The following B3GLCT variants were observed in gnomAD, a reference collection of about 807,000 sequenced individuals.
The protein encoded by B3GLCT is beta 3-glucosyltransferase, also known as beta-1,3-glucosyltransferase.
Under a neutral mutation model 63.4 loss-of-function variants are expected in B3GLCT, and 65 were observed. That is an observed-to-expected ratio of 1.03 (90% CI 0.84 to 1.26). The LOEUF is 1.26. Ranked by LOEUF, B3GLCT falls within the 50% of genes most tolerant of loss-of-function variation. The pLI is 0.00. For synonymous variants in B3GLCT, 233 were observed against 219.2 expected (o/e 1.06, Z -0.55); for missense variants, 577 against 604.8 (o/e 0.95, Z 0.48).
intron 4 of B3GLCT, among the ~76,000 whole-genome samples, chr13:31,241,464 C>T (rs1056473219): frequency 6.6e-6 from 1 of 152,200 alleles, no homozygotes; most frequent in African/African-American, 2.4e-5. Context: ...GTGTGATGCC[C>T]AGCAGGGATG....
In B3GLCT at chr13:31,329,972, A is replaced by G; in HGVS notation, c.*304A>G. On this transcript the variant is annotated 3_prime_UTR_variant, in exon 15 of 15. Coordinates refer to ENST00000343307, the MANE Select transcript of B3GLCT (RefSeq NM_194318.4). ...TTTTTTTTATTGTCACAGGGAAATA[A>G]ATGGTACCAGAAGTCCCTTTCCTGT... The G allele has an allele frequency of 2.6e-6, 1 of 385,354 alleles. No individual in the cohort carries two copies. The highest frequency in any genetic ancestry group is 2.4e-5 in the South Asian group (1 of 42,430). The allele number at this position is 385,354 out of a possible 1,614,324, so 23.9% of individuals were successfully genotyped here. A position where few individuals can be genotyped will look rare whatever the true frequency, so the allele number is the denominator to read the frequency against.
chr13:31,259,401 G>C (rs149098411), intron 6 of B3GLCT, among the ~76,000 whole-genome samples: 1 of 151,950 alleles, frequency 6.6e-6, no homozygotes. Context: ...GTTTGGGTAC[G>C]TCTATTCATA....
At chr13:31,295,374 C>T (rs556926505) in intron 12 of B3GLCT, among the ~76,000 whole-genome samples, 20 of 152,240 alleles carry the variant, frequency 1.3e-4, no homozygotes, top group Admixed American at 6.5e-4. Context: ...TCTTCAGAGC[C>T]GGCAGGCATG....
At chr13:31,297,980 T>A (rs562179128) in intron 12 of B3GLCT, among the ~76,000 whole-genome samples, 1 of 152,260 alleles carries the variant, frequency 6.6e-6, no homozygotes, top group South Asian at 2.1e-4. Context: ...TGAAGCCTGC[T>A]CTCTTGGGGT....
At chr13:31,266,342 A>G (rs538632417) in intron 7 of B3GLCT, among the ~76,000 whole-genome samples, 78 of 152,256 alleles carry the variant, frequency 5.1e-4, no homozygotes, top group African/African-American at 1.9e-3. Context: ...AATTCTAAAA[A>G]TTAGGAAAGC....
At chr13:31,316,893 C>T (rs573400350) in intron 12 of B3GLCT, among the ~76,000 whole-genome samples, 1 of 152,114 alleles carries the variant, frequency 6.6e-6, no homozygotes, top group Non-Finnish European at 1.5e-5. Flanking sequence ...TAATACACTG[C>T]CCTTTGTAAG....
At chr13:31,313,917 A>G (rs985083236) in intron 12 of B3GLCT, among the ~76,000 whole-genome samples, 2 of 152,000 alleles carry the variant, frequency 1.3e-5, no homozygotes, top group Non-Finnish European at 2.9e-5. Flanking sequence ...CAGTCTGGGG[A>G]CTTGGTGCTG....
chr13:31,252,975 C>T (rs534815953), intron 6 of B3GLCT, among the ~76,000 whole-genome samples: 201 of 152,306 alleles, frequency 1.3e-3, no homozygotes, highest in Non-Finnish European at 2.5e-3. Flanking sequence ...AAACACTCCT[C>T]AGCAAATGCA....
At chr13:31,315,935 G>T (rs944779611) in intron 12 of B3GLCT, among the ~76,000 whole-genome samples, 3 of 152,218 alleles carry the variant, frequency 2.0e-5, no homozygotes, top group Admixed American at 2.0e-4. Context: ...TTCAGAGGGT[G>T]CAAACCCCAA....
intron 13 of B3GLCT, among the ~76,000 whole-genome samples, chr13:31,319,862 A>C (rs1338055737): frequency 6.6e-6 from 1 of 152,192 alleles, no homozygotes; most frequent in Non-Finnish European, 1.5e-5. Context: ...CCTCTCAGGG[A>C]AAACATTGGC....
intron 13 of B3GLCT, among the ~76,000 whole-genome samples, chr13:31,321,101 A>G (rs760091070): frequency 7.2e-5 from 11 of 152,246 alleles, no homozygotes; most frequent in Non-Finnish European, 1.6e-4. Flanking sequence ...CTCGCTTCTT[A>G]GCATAGGGAC....
intron 6 of B3GLCT, among the ~76,000 whole-genome samples, chr13:31,253,264 A>G (rs1871527301): frequency 6.6e-6 from 1 of 152,190 alleles, no homozygotes; most frequent in Non-Finnish European, 1.5e-5. Context: ...AAGGCAGGAA[A>G]GATCGAAAAT....
In B3GLCT at chr13:31,201,017, A is replaced by AAC. The variant is rs1039862980; in HGVS notation, c.70+864_70+865insCA. 2.6e-3 allele frequency among the ~76,000 whole-genome samples: 396 copies of AAC among 152,068 alleles called. 3 individuals carry two copies. The highest frequency in any genetic ancestry group is 9.2e-3 in the African/African-American group (381 of 41,486). ...AAACGATGTGATAAAAGTTAAAAAA[A>AAC]AAAAAAAAGCAGCCTTGTAATTGAC... On this transcript the variant is annotated intron_variant, in intron 1 of 14. Coordinates refer to ENST00000343307, the MANE Select transcript of B3GLCT (RefSeq NM_194318.4).
chr13:31,294,616 G>T (rs759129250), intron 12 of B3GLCT, among the ~76,000 whole-genome samples: 4 of 152,126 alleles, frequency 2.6e-5, no homozygotes, highest in Non-Finnish European at 5.9e-5. Context: ...TGATACTTGT[G>T]TGTGCTTCAC....
chr13:31,325,177 A>AT (rs1303633404), intron 14 of B3GLCT, among the ~76,000 whole-genome samples: 5 of 152,174 alleles, frequency 3.3e-5, no homozygotes, highest in African/African-American at 9.7e-5. Context: ...ATAAGAGAGG[A>AT]TAAAAAGAGA....
At chr13:31,213,994 A>G (rs1869427124) in intron 1 of B3GLCT, among the ~76,000 whole-genome samples, 1 of 152,164 alleles carries the variant, frequency 6.6e-6, no homozygotes, top group Admixed American at 6.5e-5. Flanking sequence ...TCTTTTGAGC[A>G]AATGTTAATG....
rs140886617 is a variant in B3GLCT at position 31,263,832 on chromosome 13, G to A, written c.596+2750G>A. On this transcript the variant is annotated intron_variant, in intron 7 of 14. Coordinates refer to ENST00000343307, the MANE Select transcript of B3GLCT (RefSeq NM_194318.4). ...GTTTCACATCTCCCTTTCTAGTCAA[G>A]TTTAACCATATTTAGGAGTGAGAAC... Among the ~76,000 whole-genome samples, 140 of 152,242 alleles carry A rather than the reference G, an allele frequency of 9.2e-4. 3 individuals are homozygous for A. In the East Asian group the frequency reaches 0.011, roughly 12 times the overall value.
intron 10 of B3GLCT, among the ~76,000 whole-genome samples, chr13:31,280,606 C>T (rs1038585130): frequency 3.3e-5 from 5 of 152,016 alleles, no homozygotes; most frequent in Non-Finnish European, 5.9e-5. Flanking sequence ...TGCTCAAGGC[C>T]GTAGTCACAG....
At chr13:31,300,156 G>A (rs1223162565) in intron 12 of B3GLCT, among the ~76,000 whole-genome samples, 1 of 152,178 alleles carries the variant, frequency 6.6e-6, no homozygotes, top group Admixed American at 6.5e-5. Flanking sequence ...TTACAGGGTA[G>A]TGTAGAATCC....
Sources: allele counts gnomAD v4.1 joint callset (sites outside exome capture counted in the v4.1 genomes callset), GRCh38; gene constraint gnomAD v4.1.1; transcripts MANE v1.5; gene names NCBI Gene and HGNC (gene_info 2026-07-23, HGNC 2026-07-21).